The following CCNF variants were observed in gnomAD, a reference collection of about 807,000 sequenced individuals.
CCNF encodes cyclin-F.
Under a neutral mutation model 85.4 loss-of-function variants are expected in CCNF, and 30 were observed. The ratio of observed to expected loss-of-function variants is 0.35; its 90% CI spans 0.26 to 0.48. The LOEUF (loss-of-function observed/expected upper bound fraction) is 0.48, where lower values mean the gene tolerates loss of function less well. CCNF is among the 20% of genes least tolerant of loss of function. CCNF has a pLI of 0.99. For missense variants in CCNF, 919 were observed against 1,010.4 expected (o/e 0.91, Z 1.23); for synonymous variants, 439 against 425.1 (o/e 1.03, Z -0.40).
intron 2 of CCNF, among the ~76,000 whole-genome samples, chr16:2,432,442 G>T (rs1038623108): frequency 6.6e-6 from 1 of 152,098 alleles, no homozygotes; most frequent in Non-Finnish European, 1.5e-5. Flanking sequence ...AAACTTTGGT[G>T]CTTAAAGTGT....
chr16:2,437,194 G>A lies in CCNF; in HGVS notation c.412G>A (p.Ala138Thr), dbSNP rs757857382. 1.7e-5 allele frequency: 28 copies of A among 1,612,496 alleles called. No homozygotes were observed. The highest frequency in any genetic ancestry group is 8.8e-5 in the South Asian group (8 of 90,942). ...GAAGGCCTCTCGCTTCTTCAGTCTC[G>A]CTGAGCGGCTGAATGTGGGTGCCGC... is the stretch of plus-strand genomic sequence containing the variant. ...GLKASRFFSL[A>T]ERLNVGAAPF... The change falls in exon 5 of 17, where the codon GCT becomes ACT. Residue 138 changes from alanine (A) to threonine (T), a missense_variant. By Grantham distance (58) the Ala-to-Thr change is moderately conservative (BLOSUM62 0). This residue lies in a region of CCNF where 410 missense variants were observed against 478.6 expected (regional missense o/e 0.86). Coordinates refer to ENST00000397066, the MANE Select transcript of CCNF (RefSeq NM_001761.3).
At chr16:2,430,444 G>A (rs2065256765) in intron 1 of CCNF, among the ~76,000 whole-genome samples, 2 of 152,144 alleles carry the variant, frequency 1.3e-5, no homozygotes, top group Admixed American at 1.3e-4. Flanking sequence ...CCTGCCTGGT[G>A]GGTGGAATGC....
chr16:2,445,119 C>T lies in CCNF; in HGVS notation c.930-339C>T, dbSNP rs777803431. 7.2e-5 allele frequency among the ~76,000 whole-genome samples: 11 copies of T among 152,310 alleles called. No individual in the cohort carries two copies. The South Asian group carries it at 1.0e-3, about 14-fold the overall frequency. On this transcript the variant is annotated intron_variant, in intron 9 of 16. Coordinates refer to ENST00000397066, the MANE Select transcript of CCNF (RefSeq NM_001761.3). ...TCCCTTGCGACTGTCCACCTTCTCCCGCTCCCTGCACGCCCCGAGGGTCAG... is the reference window on the plus strand; with the variant it reads ...TCCCTTGCGACTGTCCACCTTCTCCTGCTCCCTGCACGCCCCGAGGGTCAG...
At position 2,457,560 on chromosome 16, in the gene CCNF, GC is replaced by G. The variant is rs2065436680; in HGVS notation, c.*542del. The G allele has an allele frequency of 1.3e-5, 2 of 156,186 alleles. No individual in the cohort carries two copies. The highest frequency in any genetic ancestry group is 1.2e-4 in the Admixed American group (2 of 16,124). The allele number at this position is 156,186 out of a possible 1,614,324, so 9.7% of individuals were successfully genotyped here. A position where few individuals can be genotyped will look rare whatever the true frequency, so the allele number is the denominator to read the frequency against. ...TGGGTGGGGCTTCCATGGTAAGGGGGCCTGCGTCCCTGCACACTGCGAGGAC... is the reference window on the plus strand; with the variant it reads ...TGGGTGGGGCTTCCATGGTAAGGGGGCTGCGTCCCTGCACACTGCGAGGAC... On this transcript the variant is annotated 3_prime_UTR_variant, in exon 17 of 17. Coordinates refer to ENST00000397066, the MANE Select transcript of CCNF (RefSeq NM_001761.3).
intron 3 of CCNF, among the ~76,000 whole-genome samples, chr16:2,433,688 C>T (rs544895557): frequency 5.3e-5 from 8 of 152,328 alleles, no homozygotes; most frequent in African/African-American, 1.2e-4. Flanking sequence ...CTGGTTCAAG[C>T]GATTCTCCTG....
At chr16:2,445,173 C>T (rs1306053710) in intron 9 of CCNF, among the ~76,000 whole-genome samples, 1 of 152,192 alleles carries the variant, frequency 6.6e-6, no homozygotes, top group Non-Finnish European at 1.5e-5. Flanking sequence ...AGACCAACGG[C>T]TGTGGGCTGA....
Position 2,456,456 on chromosome 16 carries a change from G to T in CCNF, c.1886-89G>T, listed in dbSNP as rs1015510728. 3.0e-5 allele frequency: 26 copies of T among 872,194 alleles called. No individual in the cohort carries two copies. The highest frequency in any genetic ancestry group is 4.2e-5 in the Non-Finnish European group (25 of 590,212). 54.0% of individuals were successfully genotyped at this position (872,194 alleles called of 1,614,324 possible). On this transcript the variant is annotated intron_variant, in intron 16 of 16. Coordinates refer to ENST00000397066, the MANE Select transcript of CCNF (RefSeq NM_001761.3). This position sits in a 1 kb window ranked among gnomAD's most constrained non-coding sequence, Gnocchi z 4.5. The stretch of plus-strand genomic sequence containing the variant: ...GACCGTAGCAAGGTAGAAGATTCTT[G>T]ACCTGGACTTCAGGGTCCTGACCTG...
chr16:2,434,195 A>G (rs964755763), intron 3 of CCNF, among the ~76,000 whole-genome samples: 2 of 152,158 alleles, frequency 1.3e-5, no homozygotes, highest in Admixed American at 6.6e-5. Flanking sequence ...AGTCCCAGCT[A>G]CTCTGGAGGC....
chr16:2,455,317 T>C, intron 15 of CCNF, 78 bp from the exon 16 acceptor site: 1 of 1,465,986 alleles, frequency 6.8e-7, no homozygotes, highest in Non-Finnish European at 9.0e-7. Flanking sequence ...ACGCGGGTGT[T>C]AGAGGCAGGT....
rs1193509950 is a variant in CCNF, at chr16:2,451,225, C to T, written c.1487+1310C>T. ...TGACGAGAGAAACAGCAGGCAGGCG[C>T]GCGGGGCAGGTGGCGCGGGCGGGGG... On this transcript the variant is annotated intron_variant, in intron 13 of 16. Coordinates refer to ENST00000397066, the MANE Select transcript of CCNF (RefSeq NM_001761.3). This position sits in a 1 kb window ranked among gnomAD's most constrained non-coding sequence, Gnocchi z 4.3. 1.3e-5 allele frequency among the ~76,000 whole-genome samples: 2 copies of T among 152,184 alleles called. No homozygotes were observed. The highest frequency in any genetic ancestry group is 1.9e-4 in the East Asian group (1 of 5,190).
intron 16 of CCNF, among the ~76,000 whole-genome samples, chr16:2,455,781 G>A (rs2065424063): frequency 1.3e-5 from 2 of 152,318 alleles, no homozygotes; most frequent in African/African-American, 4.8e-5. Flanking sequence ...CCACCACACA[G>A]GGATGAGAGG....
intron 8 of CCNF, among the ~76,000 whole-genome samples, 153 bp from the exon 9 acceptor site, chr16:2,443,496 T>G (rs1273204356): frequency 6.6e-6 from 1 of 152,196 alleles, no homozygotes; most frequent in Admixed American, 6.5e-5. Flanking sequence ...AATTAAAACC[T>G]GAGCCATCCT....
At chr16:2,430,147 G>C (rs889788336) in intron 1 of CCNF, among the ~76,000 whole-genome samples, 1 of 152,176 alleles carries the variant, frequency 6.6e-6, no homozygotes, top group South Asian at 2.1e-4. Flanking sequence ...GGTCAAGAGA[G>C]GGGAGCCGGG....
intron 8 of CCNF, among the ~76,000 whole-genome samples, chr16:2,441,950 T>C (rs1204340965): frequency 2.7e-5 from 2 of 73,326 alleles, no homozygotes; most frequent in Non-Finnish European, 6.8e-5. Context: ...TATATATATA[T>C]ATATATATAT....
rs759310695 is a variant in CCNF at position 2,433,038 on chromosome 16, G to T, written c.249G>T (p.Pro83=). The change falls in exon 3 of 17, where the codon CCG becomes CCT. Residue 83 remains proline (P), a synonymous_variant. Transcript: ENST00000397066. ...GTGCCAGCTTCCAGGAGCTGTGGCC[G>T]TCTCCAGGGAACCTGAAGCTCTTTG... ...WACASFQELW[P]SPGNLKLFER... The T allele has an allele frequency of 6.2e-7, 1 of 1,610,182 alleles. No individual in the cohort carries two copies. The highest frequency in any genetic ancestry group is 8.5e-7 in the Non-Finnish European group (1 of 1,177,166).
intron 15 of CCNF, among the ~76,000 whole-genome samples, chr16:2,454,489 C>T (rs977070681): frequency 3.9e-5 from 6 of 152,214 alleles, no homozygotes; most frequent in Non-Finnish European, 8.8e-5. Flanking sequence ...CTCAGAGGCC[C>T]CCCACAGCCC....
rs139489397 is a variant in CCNF, at chr16:2,437,471, G to A, written c.540+149G>A. Reference sequence around the variant, plus strand: ...AACTGAGAGTGCAGATATGGGGAACGCATCTGGAAATCAGCTGGCACAGAG... The same window carrying A: ...AACTGAGAGTGCAGATATGGGGAACACATCTGGAAATCAGCTGGCACAGAG... On this transcript the variant is annotated intron_variant, in intron 5 of 16. Transcript: ENST00000397066. 3,660 of 609,408 alleles carry A rather than the reference G, an allele frequency of 6.0e-3. 34 individuals carry two copies. The highest frequency in any genetic ancestry group is 7.8e-3 in the Non-Finnish European group (2,822 of 363,760). 37.8% of individuals were successfully genotyped at this position (609,408 alleles called of 1,614,324 possible). A position where few individuals can be genotyped will look rare whatever the true frequency, so the allele number is the denominator to read the frequency against.
intron 5 of CCNF, 170 bp downstream of exon 5, chr16:2,437,492 C>T: frequency 3.5e-6 from 2 of 566,044 alleles, no homozygotes; most frequent in Non-Finnish European, 6.1e-6. Flanking sequence ...TCAGCTGGCA[C>T]AGAGGAGGAA....
chr16:2,448,057 C>T (rs1025156264), intron 10 of CCNF, among the ~76,000 whole-genome samples: 1 of 152,256 alleles, frequency 6.6e-6, no homozygotes, highest in South Asian at 2.1e-4. Context: ...TGATAGTTGG[C>T]GCTGGTTGAC....
Sources: allele counts gnomAD v4.1 joint callset (sites outside exome capture counted in the v4.1 genomes callset), GRCh38; gene constraint gnomAD v4.1.1; regional missense constraint gnomAD v4.1.1; non-coding constraint Gnocchi (gnomAD v3.1); transcripts MANE v1.5; gene names NCBI Gene and HGNC (gene_info 2026-07-23, HGNC 2026-07-21).